TNC: variants seen among roughly 807,000 people sequenced by gnomAD.
TNC encodes tenascin.
TNC carries 109 observed loss-of-function variants against 202.4 expected under a neutral mutation model. The observed-to-expected ratio is 0.54, with a 90% confidence interval of 0.46 to 0.63. The LOEUF (loss-of-function observed/expected upper bound fraction) is 0.63. Ranked by LOEUF, TNC falls within the 30% of genes least tolerant of loss-of-function variation. The probability of loss-of-function intolerance (pLI) is 0.00; values close to 1 mark genes in which losing one functional copy is unlikely to be tolerated. For synonymous variants in TNC, 1,007 were observed against 1,089.7 expected (o/e 0.92, Z 1.50); for missense variants, 2,756 against 2,833.3 (o/e 0.97, Z 0.62).
rs1830700524 is a variant in TNC at position 115,041,078 on chromosome 9, G to GTAACT, written c.5254_5255insAGTTA (p.Pro1752GlnfsTer6). On this transcript the variant is annotated frameshift_variant, in exon 19 of 28. Transcript: ENST00000350763. LOFTEE classifies it high-confidence loss of function. ...GGTTCCGTCCACAGTTACCATGGAG[G>GTAACT]GTGTACCTGGAACACAGTAAAAGCA... 1 of 1,612,350 alleles carries GTAACT rather than the reference G, an allele frequency of 6.2e-7. No individual in the cohort carries two copies. The highest frequency in any genetic ancestry group is 1.3e-5 in the African/African-American group (1 of 74,804).
chr9:115,021,333 C>T lies in TNC; in HGVS notation c.6496-66G>A, dbSNP rs536162764. 2.8e-5 allele frequency: 32 copies of T among 1,154,842 alleles called. 1 individual carries two copies. The East Asian group carries it at 4.7e-4, about 17-fold the overall frequency. The allele number at this position is 1,154,842 out of a possible 1,614,324, so 71.5% of individuals were successfully genotyped here. ...GGCCTCCAGGTTGGTTACTGTTAGG[C>T]GAGGTGTTCACTGATCATTGCTATT... On this transcript the variant is annotated intron_variant, in intron 27 of 27. Transcript: ENST00000350763.
chr9:115,086,231 T>A lies in TNC; in HGVS notation c.1500A>T (p.Gln500His), dbSNP rs145244970. 2 of 1,614,182 alleles carry A rather than the reference T, an allele frequency of 1.2e-6. No individual in the cohort carries two copies. The highest frequency in any genetic ancestry group is 2.7e-5 in the African/African-American group (2 of 75,048). ...CCCTGTTGCTGCAGTCCCTGGGGCATTGGCGATCCCGGCAGTCTTCCCCTG... is the reference window on the plus strand; with the variant it reads ...CCCTGTTGCTGCAGTCCCTGGGGCAATGGCGATCCCGGCAGTCTTCCCCTG... ...GYTGEDCRDR[Q>H]CPRDCSNRGL... Residue 500 changes from glutamine (Q) to histidine (H), a missense_variant, in exon 3 of 28, where the codon CAA becomes CAT. Gln to His is a conservative substitution (Grantham distance 24). This residue lies in a region of TNC where 2,559 missense variants were observed against 2,546.0 expected (regional missense o/e 1.01). Coordinates refer to ENST00000350763, the MANE Select transcript of TNC (RefSeq NM_002160.4).
chr9:115,084,078 T>G, intron 4 of TNC, 131 bp downstream of exon 4: 1 of 1,004,966 alleles, frequency 1.0e-6, no homozygotes. Flanking sequence ...TCTATGGACT[T>G]AATTCTAGGC....
Position 115,084,211 on chromosome 9 carries a change from G to A in TNC, c.2129C>T (p.Thr710Met), listed in dbSNP as rs774066191. 99 of 1,613,474 alleles carry A rather than the reference G, an allele frequency of 6.1e-5. No individual in the cohort carries two copies. Among genetic ancestry groups the A allele is most frequent in the Middle Eastern group, 3.3e-4 (2 of 6,068 alleles). ...KSIPVSARVA[T>M]YLPAPEGLKF... ...CCAAAAGAGTTCTGCTCACTCACAC[G>A]TGGCCACCCTGGCGCTGACAGGAAT... Residue 710 changes from threonine to methionine, a missense_variant and splice_region_variant, in exon 4 of 28, where the codon ACG becomes ATG. Transcript: ENST00000350763.
chr9:115,045,494 G>A (rs1320186067), intron 17 of TNC, among the ~76,000 whole-genome samples: 2 of 151,318 alleles, frequency 1.3e-5, no homozygotes, highest in African/African-American at 4.9e-5. Flanking sequence ...AGCCTGCAGA[G>A]TAGCTGGTAC....
chr9:115,098,832 T>C (rs1295409078), intron 1 of TNC, among the ~76,000 whole-genome samples: 1 of 152,172 alleles, frequency 6.6e-6, no homozygotes, highest in Non-Finnish European at 1.5e-5. Context: ...TGGGCGTTCT[T>C]AAATGTCCTA....
chr9:115,033,891 C>A (rs886913575), intron 22 of TNC, among the ~76,000 whole-genome samples: 1 of 152,164 alleles, frequency 6.6e-6, no homozygotes, highest in African/African-American at 2.4e-5. Flanking sequence ...AACTAAGGAG[C>A]ATGGGCAGAG....
intron 17 of TNC, among the ~76,000 whole-genome samples, chr9:115,045,739 A>G (rs577352119): frequency 6.6e-6 from 1 of 151,430 alleles, no homozygotes; most frequent in African/African-American, 2.4e-5. Context: ...GCTCCTATGG[A>G]AAAAGGTAAT....
intron 15 of TNC, among the ~76,000 whole-genome samples, chr9:115,050,436 C>T (rs1034697750): frequency 1.2e-4 from 18 of 152,086 alleles, no homozygotes; most frequent in Non-Finnish European, 4.4e-5. Context: ...CCATTTCTCC[C>T]CTCCTGAGGA....
intron 1 of TNC, among the ~76,000 whole-genome samples, chr9:115,111,697 C>T (rs895048959): frequency 6.6e-6 from 1 of 151,996 alleles, no homozygotes; most frequent in Non-Finnish European, 1.5e-5. Context: ...GAGGTGTGAG[C>T]GACCATGCCC....
intron 1 of TNC, among the ~76,000 whole-genome samples, chr9:115,098,936 G>GTGTTT (rs1227896909): frequency 4.9e-5 from 2 of 40,946 alleles, no homozygotes; most frequent in Admixed American, 8.6e-4. Context: ...CCTTAAGTGT[G>GTGTTT]TATTTTTTTT....
At chr9:115,069,877 A>T (rs1216166092) in intron 10 of TNC, among the ~76,000 whole-genome samples, 1 of 140,140 alleles carries the variant, frequency 7.1e-6, no homozygotes, top group African/African-American at 2.7e-5. Context: ...TTCTATCCAG[A>T]TTAAGCGGAA....
At position 115,086,734 on chromosome 9, in the gene TNC, C is replaced by G. The variant is rs781485268; in HGVS notation, c.997G>C (p.Glu333Gln). ...GRCINGTCYC[E>Q]EGFTGEDCGK... is the part of the protein sequence containing the mutation. ...CAGTCTTCACCTGTGAAGCCTTCTT[C>G]GCAGTAGCAGGTGCCATTGATGCAG... Residue 333 changes from glutamate to glutamine, a missense_variant, in exon 3 of 28, where the codon GAA (glutamate) becomes CAA (glutamine). By Grantham distance (29) the Glu-to-Gln change is conservative (BLOSUM62 2). This residue lies in a region of TNC where 2,559 missense variants were observed against 2,546.0 expected (regional missense o/e 1.01). Transcript: ENST00000350763. 1.2e-6 allele frequency: 2 copies of G among 1,613,884 alleles called. No homozygotes were observed. The highest frequency in any genetic ancestry group is 2.2e-5 in the East Asian group (1 of 44,894).
intron 10 of TNC, among the ~76,000 whole-genome samples, chr9:115,072,021 T>C (rs186415891): frequency 1.1e-4 from 16 of 152,358 alleles, no homozygotes; most frequent in Admixed American, 2.0e-4. Flanking sequence ...CATTTCAGAC[T>C]CTGGCAGGGA....
chr9:115,026,780 G>T, intron 25 of TNC, 85 bp from the exon 26 acceptor site: 1 of 1,315,082 alleles, frequency 7.6e-7, no homozygotes, highest in Non-Finnish European at 1.0e-6. Flanking sequence ...CGGCAACTGG[G>T]TACACTTAAG....
At chr9:115,109,339 A>G (rs996312285) in intron 1 of TNC, among the ~76,000 whole-genome samples, 2 of 152,234 alleles carry the variant, frequency 1.3e-5, no homozygotes, top group Admixed American at 1.3e-4. Flanking sequence ...ACTAGGTGCT[A>G]CTACTTTGCT....
At chr9:115,076,283 G>T in intron 8 of TNC, 107 bp downstream of exon 8, 1 of 1,441,882 alleles carries the variant, frequency 6.9e-7, no homozygotes, top group Non-Finnish European at 9.6e-7. Context: ...TCAGGAAATT[G>T]GACTTATTTC....
intron 15 of TNC, chr9:115,055,713 T>C (rs1832065337): frequency 6.6e-6 from 1 of 152,524 alleles, no homozygotes. Context: ...CAGGTCATGT[T>C]TGAGACAGTG....
intron 25 of TNC, 62 bp from the exon 26 acceptor site, chr9:115,026,757 C>T (rs1829516002): frequency 6.4e-7 from 1 of 1,571,738 alleles, no homozygotes; most frequent in South Asian, 1.1e-5. Context: ...ATTTCTATTT[C>T]ACTCTGTAAA....
Sources: allele counts gnomAD v4.1 joint callset (sites outside exome capture counted in the v4.1 genomes callset), GRCh38; gene constraint gnomAD v4.1.1; regional missense constraint gnomAD v4.1.1; transcripts MANE v1.5; gene names NCBI Gene and HGNC (gene_info 2026-07-23, HGNC 2026-07-21).